Variants in AIG1 observed in about 807,000 individuals in gnomAD.
The protein encoded by AIG1 is androgen induced 1.
AIG1 carries 23 observed loss-of-function variants against 31.4 expected under a neutral mutation model. The ratio of observed to expected loss-of-function variants is 0.73; its 90% CI spans 0.53 to 1.04. AIG1 has a LOEUF of 1.04. Ranked by LOEUF, AIG1 falls within the 50% of genes least tolerant of loss-of-function variation. The pLI is 0.00. For synonymous variants in AIG1, 100 were observed against 110.5 expected (o/e 0.90, Z 0.60); for missense variants, 274 against 295.0 (o/e 0.93, Z 0.52).
At chr6:143,173,110 C>T (rs960379532) in intron 3 of AIG1, among the ~76,000 whole-genome samples, 1 of 151,992 alleles carries the variant, frequency 6.6e-6, no homozygotes, top group African/African-American at 2.4e-5. Context: ...GGCTAGAGTG[C>T]AGTGGTACAA....
intron 3 of AIG1, among the ~76,000 whole-genome samples, chr6:143,179,452 A>G (rs1017751240): frequency 1.3e-5 from 2 of 152,194 alleles, no homozygotes; most frequent in African/African-American, 4.8e-5. Context: ...TCACGACACC[A>G]TTTCAGAACA....
rs1797290210 is a variant in AIG1 at position 143,280,745 on chromosome 6, A to G, written c.400-3365A>G. ...TGAGGGGGAGGTTGGGAGGAGGGAG[A>G]GTAGCAGAAAAGATAACTATTGGGT... On this transcript the variant is annotated intron_variant, in intron 3 of 5. Coordinates refer to ENST00000357847, the MANE Select transcript of AIG1 (RefSeq NM_016108.4). This position sits in a 1 kb window ranked among gnomAD's most constrained non-coding sequence, Gnocchi z 4.1. Among the ~76,000 whole-genome samples the G allele has an allele frequency of 6.6e-6, 1 of 152,188 alleles. No homozygotes were observed.
intron 3 of AIG1, among the ~76,000 whole-genome samples, chr6:143,182,284 TCAG>T (rs1293395451): frequency 6.6e-6 from 1 of 152,188 alleles, no homozygotes; most frequent in Non-Finnish European, 1.5e-5. Flanking sequence ...TCCTCCTGCC[TCAG>T]CCTCCCAAAG....
intron 3 of AIG1, among the ~76,000 whole-genome samples, chr6:143,252,153 C>T (rs1795051833): frequency 6.6e-6 from 1 of 152,106 alleles, no homozygotes; most frequent in Non-Finnish European, 1.5e-5. Flanking sequence ...GTGTTTCACT[C>T]TTGTTGCCCA....
intron 3 of AIG1, among the ~76,000 whole-genome samples, chr6:143,200,263 A>G (rs34637629): frequency 0.2 from 30,527 of 152,058 alleles, 3,458 homozygotes; most frequent in East Asian, 0.44. Flanking sequence ...ACTACTGAAG[A>G]GAATAGAGAA....
chr6:143,299,402 C>CT lies in AIG1; in HGVS notation c.515+15178dup, dbSNP rs991744597. On this transcript the variant is annotated intron_variant, in intron 4 of 5. Coordinates refer to ENST00000357847, the MANE Select transcript of AIG1 (RefSeq NM_016108.4). The surrounding 1 kb of genome is among the most constrained non-coding windows in gnomAD (Gnocchi z 4.1). ...GGCATTGTGTGGGTGCCACAATCAT[C>CT]TAAGTCTACCAGCAGTATATGACCA... The CT allele has an allele frequency of 4.5e-4, 69 of 152,292 alleles. No homozygotes were observed. Among genetic ancestry groups the CT allele is most frequent in the African/African-American group, 1.6e-3 (68 of 41,560 alleles). 9.4% of individuals were successfully genotyped at this position (152,292 alleles called of 1,614,324 possible). A position where few individuals can be genotyped will look rare whatever the true frequency, so the allele number is the denominator to read the frequency against.
At chr6:143,117,392 T>A (rs927275029) in intron 1 of AIG1, among the ~76,000 whole-genome samples, 32 of 152,168 alleles carry the variant, frequency 2.1e-4, no homozygotes, top group African/African-American at 7.2e-4. Context: ...TAGCAGTAGA[T>A]GTGGTGCACA....
rs1228236353 is a variant in AIG1 at position 143,284,072 on chromosome 6, A to T, written c.400-38A>T. On this transcript the variant is annotated intron_variant, in intron 3 of 5. Coordinates refer to ENST00000357847, the MANE Select transcript of AIG1 (RefSeq NM_016108.4). This position sits in a 1 kb window ranked among gnomAD's most constrained non-coding sequence, Gnocchi z 4.4. ...AAAAAACAACTATAGAGAGACAATGATAGCAATCTGTGTCACCTAGTCTCT... is the reference window on the plus strand; with the variant it reads ...AAAAAACAACTATAGAGAGACAATGTTAGCAATCTGTGTCACCTAGTCTCT... 1.4e-6 allele frequency: 2 copies of T among 1,470,490 alleles called. No individual in the cohort carries two copies. Among genetic ancestry groups the T allele is most frequent in the African/African-American group, 2.8e-5 (2 of 71,724 alleles). The allele number at this position is 1,470,490 out of a possible 1,614,324, so 91.1% of individuals were successfully genotyped here.
chr6:143,283,912 T>A (rs762768808), intron 3 of AIG1, among the ~76,000 whole-genome samples, 198 bp from the exon 4 acceptor site: 3 of 152,194 alleles, frequency 2.0e-5, no homozygotes, highest in Non-Finnish European at 2.9e-5. Context: ...AAAATTAAGA[T>A]ACAGAAGAAA....
At chr6:143,322,615 A>T (rs1052689139) in intron 4 of AIG1, among the ~76,000 whole-genome samples, 1 of 152,246 alleles carries the variant, frequency 6.6e-6, no homozygotes, top group African/African-American at 2.4e-5. Context: ...CCATAAAACC[A>T]GGTAGACTTT....
chr6:143,190,888 G>T (rs1045234182), intron 3 of AIG1, among the ~76,000 whole-genome samples: 1 of 152,116 alleles, frequency 6.6e-6, no homozygotes, highest in African/African-American at 2.4e-5. Flanking sequence ...TGCCATTGAA[G>T]TTGCATTAAT....
chr6:143,116,573 AGAGGTG>A (rs1366718097), intron 1 of AIG1, among the ~76,000 whole-genome samples: 3 of 151,364 alleles, frequency 2.0e-5, no homozygotes, highest in Non-Finnish European at 4.4e-5. Context: ...ATTGGGGAGG[AGAGGTG>A]GCATGTTTAC....
intron 3 of AIG1, among the ~76,000 whole-genome samples, chr6:143,238,263 A>G (rs1793966259): frequency 6.6e-6 from 1 of 152,124 alleles, no homozygotes; most frequent in Admixed American, 6.5e-5. Flanking sequence ...CAGGCTTCCT[A>G]TCACCACCCT....
At chr6:143,193,792 T>C (rs1789987358) in intron 3 of AIG1, among the ~76,000 whole-genome samples, 1 of 152,244 alleles carries the variant, frequency 6.6e-6, no homozygotes, top group East Asian at 1.9e-4. Context: ...CTTGCTGTGC[T>C]AAGCCCTTTT....
At chr6:143,101,880 G>T (rs1323539293) in intron 1 of AIG1, among the ~76,000 whole-genome samples, 1 of 152,068 alleles carries the variant, frequency 6.6e-6, no homozygotes, top group Non-Finnish European at 1.5e-5. Context: ...ATCACTTGGG[G>T]AGTTTTTACA....
intron 2 of AIG1, among the ~76,000 whole-genome samples, chr6:143,146,641 G>T (rs944812129): frequency 6.6e-6 from 1 of 151,964 alleles, no homozygotes; most frequent in Non-Finnish European, 1.5e-5. Flanking sequence ...TGGCTGTGTG[G>T]GTGATCCTGA....
chr6:143,190,440 G>A (rs1332752844), intron 3 of AIG1: 4 of 985,312 alleles, frequency 4.1e-6, no homozygotes, highest in African/African-American at 3.5e-5. Flanking sequence ...ACATTTTAGA[G>A]ATGAGAGAAG....
rs887967493 is a variant in AIG1, at chr6:143,268,784, G to A, written c.400-15326G>A. On this transcript the variant is annotated intron_variant, in intron 3 of 5. Transcript: ENST00000357847. The surrounding 1 kb of genome is among the most constrained non-coding windows in gnomAD (Gnocchi z 5.0). ...CCATGTTTGGTGGATGCCAGGATGT[G>A]CCACACAGGTCCCCTTTGGGGATTG... Among the ~76,000 whole-genome samples the A allele has an allele frequency of 1.3e-5, 2 of 152,226 alleles. No homozygotes were observed. The highest frequency in any genetic ancestry group is 4.8e-5 in the African/African-American group (2 of 41,450).
chr6:143,061,285 G>A (rs1776234632), intron 1 of AIG1: 3 of 687,110 alleles, frequency 4.4e-6, no homozygotes. Context: ...CTGGTAGCTG[G>A]GTACCCTTAC....
Sources: gnomAD v4.1 joint callset for allele counts (sites outside exome capture counted in the v4.1 genomes callset) on GRCh38, gnomAD v4.1.1 for gene constraint, Gnocchi (gnomAD v3.1) non-coding constraint, MANE v1.5 for transcripts, NCBI Gene and HGNC (gene_info 2026-07-23, HGNC 2026-07-21) for gene names.